PEBP4: variants seen among roughly 807,000 people sequenced by gnomAD.
PEBP4 encodes phosphatidylethanolamine binding protein 4, also known as phosphatidylethanolamine-binding protein 4.
PEBP4 carries 22 observed loss-of-function variants against 23.9 expected under a neutral mutation model. The observed-to-expected ratio is 0.92, with a 90% confidence interval of 0.66 to 1.31. The LOEUF is 1.31. PEBP4 is among the 40% of genes most tolerant of loss of function. The pLI is 0.00. For missense variants in PEBP4, 324 were observed against 281.7 expected (o/e 1.15, Z -1.07); for synonymous variants, 112 against 99.3 (o/e 1.13, Z -0.76).
At chr8:22,800,261 C>T (rs1585279667) in intron 4 of PEBP4, among the ~76,000 whole-genome samples, 3 of 152,132 alleles carry the variant, frequency 2.0e-5, no homozygotes, top group Middle Eastern at 6.8e-3. Flanking sequence ...GGCCTGCTAA[C>T]CATAGGTTGG....
intron 3 of PEBP4, among the ~76,000 whole-genome samples, chr8:22,836,964 T>C (rs1374945551): frequency 6.6e-6 from 1 of 152,162 alleles, no homozygotes. Flanking sequence ...CAAATATCTC[T>C]ATCTCCCAAG....
chr8:22,865,370 G>GGTGA lies in PEBP4; in HGVS notation c.259-47636_259-47635insTCAC, dbSNP rs1807866283. Among the ~76,000 whole-genome samples, 1 of 6,764 alleles carries GGTGA rather than the reference G, an allele frequency of 1.5e-4. No homozygotes were observed. The highest frequency in any genetic ancestry group is 3.9e-4 in the Non-Finnish European group (1 of 2,594). The allele number at this position is 6,764 out of a possible 152,430, so 4.4% of individuals were successfully genotyped here. ...TGCCCACCCACGGGCGGTGACGGTGGCGGTGGCGGTGGCGGCGGCGGGACC... is the reference window on the plus strand; with the variant it reads ...TGCCCACCCACGGGCGGTGACGGTGGGTGACGGTGGCGGTGGCGGCGGCGGGACC... On this transcript the variant is annotated intron_variant, in intron 3 of 6. Transcript: ENST00000256404. The surrounding 1 kb of genome is among the most constrained non-coding windows in gnomAD (Gnocchi z 6.9).
At chr8:22,878,728 G>A (rs906132456) in intron 3 of PEBP4, among the ~76,000 whole-genome samples, 2 of 152,226 alleles carry the variant, frequency 1.3e-5, no homozygotes, top group Non-Finnish European at 2.9e-5. Flanking sequence ...TCATCAGAGA[G>A]GAGGCTTGGA....
intron 4 of PEBP4, among the ~76,000 whole-genome samples, chr8:22,759,457 G>A (rs553649391): frequency 7.2e-5 from 11 of 152,000 alleles, no homozygotes; most frequent in South Asian, 6.2e-4. Context: ...GCGCTGGGCC[G>A]GATCTTTGTG....
At chr8:22,768,424 G>C (rs767400562) in intron 4 of PEBP4, among the ~76,000 whole-genome samples, 1 of 152,270 alleles carries the variant, frequency 6.6e-6, no homozygotes, top group South Asian at 2.1e-4. Flanking sequence ...GGGTGGTTTG[G>C]GGTGCTCACG....
At chr8:22,737,083 C>A (rs1804878962) in intron 4 of PEBP4, among the ~76,000 whole-genome samples, 1 of 152,072 alleles carries the variant, frequency 6.6e-6, no homozygotes, top group South Asian at 2.1e-4. Flanking sequence ...CACTTGAGGT[C>A]AGGAGTTCGA....
intron 4 of PEBP4, among the ~76,000 whole-genome samples, chr8:22,807,783 C>T (rs1468278215): frequency 6.6e-6 from 1 of 152,080 alleles, no homozygotes. Flanking sequence ...TGTCCACCTA[C>T]CAAACCTCCA....
intron 4 of PEBP4, among the ~76,000 whole-genome samples, chr8:22,762,056 AT>A (rs1805519791): frequency 6.6e-6 from 1 of 152,010 alleles, no homozygotes; most frequent in Admixed American, 6.5e-5. Context: ...CTTTTAACAA[AT>A]TATTTAACCC....
chr8:22,931,315 C>A (rs1269513955), upstream of PEBP4, among the ~76,000 whole-genome samples: 2 of 152,100 alleles, frequency 1.3e-5, no homozygotes, highest in African/African-American at 4.8e-5. Context: ...CAAGCTTGTG[C>A]AACCATCACT....
chr8:22,734,810 G>A (rs985342503), intron 4 of PEBP4, among the ~76,000 whole-genome samples: 25 of 152,164 alleles, frequency 1.6e-4, no homozygotes, highest in African/African-American at 6.0e-4. Context: ...AGCTGTCTAA[G>A]CCACGTATCA....
intron 4 of PEBP4, among the ~76,000 whole-genome samples, chr8:22,751,616 G>C (rs1315762458): frequency 7.1e-5 from 7 of 98,542 alleles, no homozygotes; most frequent in Admixed American, 2.4e-4. Flanking sequence ...GTGTCTGTGT[G>C]TGTGTGTGTG....
At chr8:22,813,701 A>G (rs1003509120) in intron 4 of PEBP4, among the ~76,000 whole-genome samples, 6 of 152,256 alleles carry the variant, frequency 3.9e-5, no homozygotes, top group African/African-American at 1.4e-4. Flanking sequence ...GAAAGATGTT[A>G]TCTGTCAATG....
intron 3 of PEBP4, among the ~76,000 whole-genome samples, chr8:22,823,007 C>T (rs1806893092): frequency 6.6e-6 from 1 of 151,378 alleles, no homozygotes; most frequent in Non-Finnish European, 1.5e-5. Context: ...TTATCCAAGG[C>T]AATATTGAAA....
At chr8:22,917,287 A>G (rs990090694) in intron 3 of PEBP4, among the ~76,000 whole-genome samples, 3 of 152,116 alleles carry the variant, frequency 2.0e-5, no homozygotes, top group African/African-American at 4.8e-5. Context: ...TCTCTGTCCT[A>G]AACACTCAGG....
chr8:22,804,056 G>A (rs533193252), intron 4 of PEBP4, among the ~76,000 whole-genome samples: 18 of 152,276 alleles, frequency 1.2e-4, no homozygotes, highest in Admixed American at 5.9e-4. Flanking sequence ...GGCTGGGTGC[G>A]GTGGCTCACA....
chr8:22,873,673 A>C lies in PEBP4; in HGVS notation c.258+46511T>G, dbSNP rs571208073. 7.9e-4 allele frequency among the ~76,000 whole-genome samples: 120 copies of C among 152,342 alleles called. 5 individuals are homozygous for C. In the South Asian group the frequency reaches 0.024, roughly 31 times the overall value. ...TCGAACAAAGTAACCCTGTGAATAG[A>C]GCTGTAGATTAAACATACTATACTC... On this transcript the variant is annotated intron_variant, in intron 3 of 6. Transcript: ENST00000256404.
intron 4 of PEBP4, among the ~76,000 whole-genome samples, chr8:22,794,620 C>T (rs950537146): frequency 5.3e-5 from 8 of 152,158 alleles, no homozygotes; most frequent in South Asian, 2.1e-4. Flanking sequence ...TTTGTAAGTG[C>T]GTTACGTGTT....
chr8:22,845,883 C>A (rs1002066760), intron 3 of PEBP4, among the ~76,000 whole-genome samples: 1 of 152,230 alleles, frequency 6.6e-6, no homozygotes, highest in Non-Finnish European at 1.5e-5. Flanking sequence ...TGGCCCGGCA[C>A]AGAATGAATG....
chr8:22,724,022 G>T (rs1259969077), intron 6 of PEBP4, among the ~76,000 whole-genome samples: 2 of 152,236 alleles, frequency 1.3e-5, no homozygotes, highest in Non-Finnish European at 2.9e-5. Context: ...TGGGGGATGT[G>T]CTTCTTGCAC....
Sources: allele counts gnomAD v4.1 joint callset (sites outside exome capture counted in the v4.1 genomes callset), GRCh38; gene constraint gnomAD v4.1.1; non-coding constraint Gnocchi (gnomAD v3.1); transcripts MANE v1.5; gene names NCBI Gene and HGNC (gene_info 2026-07-23, HGNC 2026-07-21).